Variants in PKD1L1 observed in about 807,000 individuals in gnomAD.
The protein encoded by PKD1L1 is polycystin-1-like protein 1.
A neutral mutation model predicts 323.4 loss-of-function variants in PKD1L1; 236 were observed. The observed-to-expected ratio is 0.73, with a 90% confidence interval of 0.66 to 0.81. The LOEUF is 0.81. Ranked by LOEUF, PKD1L1 falls within the 40% of genes least tolerant of loss-of-function variation. The probability of loss-of-function intolerance (pLI) is 0.00; values close to 1 mark genes in which losing one functional copy is unlikely to be tolerated. For synonymous variants in PKD1L1, 1,344 were observed against 1,335.0 expected, an observed-to-expected ratio of 1.01 and a Z score of -0.15; for missense variants, 3,320 against 3,508.0, an observed-to-expected ratio of 0.95 and a Z score of 1.35.
At chr7:47,842,635 G>A (rs958968336) in intron 34 of PKD1L1, among the ~76,000 whole-genome samples, 5 of 152,078 alleles carry the variant, frequency 3.3e-5, no homozygotes, top group Non-Finnish European at 7.3e-5. Flanking sequence ...GTTGTCTTCA[G>A]CCCCAAGCTC....
rs568240836 is a variant in PKD1L1 at position 47,922,608 on chromosome 7, G to A, written c.1060+6596C>T. On this transcript the variant is annotated intron_variant, in intron 7 of 56. Transcript: ENST00000289672. ...AGCGTCTCTACCCCGCCGCCACCCC[G>A]TCTGGGAGGTGAGCAGCGTCTCTGA... 3.4e-4 allele frequency among the ~76,000 whole-genome samples: 52 copies of A among 151,850 alleles called. 1 individual carries two copies. Among genetic ancestry groups the A allele is most frequent in the Admixed American group, 1.8e-3 (27 of 15,260 alleles).
intron 31 of PKD1L1, among the ~76,000 whole-genome samples, chr7:47,849,182 T>A (rs1472527300): frequency 6.6e-6 from 1 of 152,234 alleles, no homozygotes; most frequent in Non-Finnish European, 1.5e-5. Context: ...TCTCTCATTT[T>A]ATGTAAAAAA....
chr7:47,956,060 T>G, the PKD1L1 span, among the ~76,000 whole-genome samples: 1 of 152,154 alleles, frequency 6.6e-6, no homozygotes, highest in Non-Finnish European at 1.5e-5. Flanking sequence ...TACCACATAA[T>G]TTCAACTAGC....
intron 33 of PKD1L1, among the ~76,000 whole-genome samples, chr7:47,843,588 G>C (rs1785606316): frequency 6.6e-6 from 1 of 152,162 alleles, no homozygotes; most frequent in Admixed American, 6.5e-5. Context: ...AGCAGAACAA[G>C]GCTAGGAGGC....
chr7:47,817,939 C>CT, intron 46 of PKD1L1: 1 of 982,470 alleles, frequency 1.0e-6, no homozygotes, highest in South Asian at 1.6e-5. Flanking sequence ...GGTTTTATTT[C>CT]TTTTTTCTTA....
intron 37 of PKD1L1, among the ~76,000 whole-genome samples, chr7:47,836,107 G>A (rs1358662661): frequency 2.0e-5 from 3 of 152,172 alleles, no homozygotes; most frequent in Non-Finnish European, 4.4e-5. Flanking sequence ...TTCCCTTCCT[G>A]CTACTTGATG....
intron 15 of PKD1L1, 60 bp from the exon 16 acceptor site, chr7:47,890,823 T>C (rs1786800238): frequency 6.8e-7 from 1 of 1,469,672 alleles, no homozygotes; most frequent in Non-Finnish European, 9.4e-7. Context: ...GGGACTACCC[T>C]GTGTCACTGC....
intron 3 of PKD1L1, 53 bp from the exon 4 acceptor site, chr7:47,937,011 T>A: frequency 7.2e-7 from 1 of 1,381,244 alleles, no homozygotes; most frequent in Non-Finnish European, 1.0e-6. Flanking sequence ...GAAAACCCAG[T>A]ACATTTGGGA....
intron 42 of PKD1L1, among the ~76,000 whole-genome samples, chr7:47,830,470 C>A (rs972500203): frequency 6.6e-6 from 1 of 152,188 alleles, no homozygotes; most frequent in Non-Finnish European, 1.5e-5. Context: ...TGGATGCTGG[C>A]GGGTGCTCCG....
At chr7:47,795,688 A>C (rs1445315598) in intron 55 of PKD1L1, among the ~76,000 whole-genome samples, 1 of 152,192 alleles carries the variant, frequency 6.6e-6, no homozygotes, top group African/African-American at 2.4e-5. Flanking sequence ...CAGGGGACAG[A>C]ATACAGCATG....
At chr7:47,788,108 G>A (rs1786852305) in intron 56 of PKD1L1, among the ~76,000 whole-genome samples, 1 of 151,676 alleles carries the variant, frequency 6.6e-6, no homozygotes, top group Admixed American at 6.6e-5. Context: ...CATTTAACTT[G>A]AGCTATATTC....
intron 56 of PKD1L1, among the ~76,000 whole-genome samples, chr7:47,787,539 G>A (rs994801147): frequency 1.3e-5 from 2 of 152,152 alleles, no homozygotes; most frequent in Non-Finnish European, 2.9e-5. Flanking sequence ...ACTATGTGTT[G>A]TAACTGTATA....
intron 54 of PKD1L1, among the ~76,000 whole-genome samples, chr7:47,797,147 A>C (rs1350299360): frequency 6.6e-6 from 1 of 152,188 alleles, no homozygotes. Context: ...GAGCTTTCTG[A>C]CCCAGAGCCT....
intron 37 of PKD1L1, 27 bp downstream of exon 37, chr7:47,836,894 G>C: frequency 6.2e-7 from 1 of 1,606,682 alleles, no homozygotes; most frequent in Non-Finnish European, 8.5e-7. Flanking sequence ...TCTGGAAGCT[G>C]CTATAAGGAA....
In PKD1L1 at chr7:47,804,765, G is replaced by A. The variant is rs183869362; in HGVS notation, c.7828-1421C>T. ...CTCCCAAAATGCTAGGATTATAGGC[G>A]TGAGCCACCACGCCCAGCACATTTT... is the stretch of plus-strand genomic sequence containing the variant. On this transcript the variant is annotated intron_variant, in intron 52 of 56. Coordinates refer to ENST00000289672, the MANE Select transcript of PKD1L1 (RefSeq NM_138295.5). Among the ~76,000 whole-genome samples, 13 of 152,210 alleles carry A rather than the reference G, an allele frequency of 8.5e-5. No individual in the cohort carries two copies. The East Asian group carries it at 1.4e-3, about 16-fold the overall frequency.
At chr7:47,830,263 G>A in intron 42 of PKD1L1, 139 bp from the exon 43 acceptor site, 1 of 667,906 alleles carries the variant, frequency 1.5e-6, no homozygotes, top group Non-Finnish European at 2.6e-6. Flanking sequence ...TGGGGGTGGT[G>A]CTGGACATGG....
chr7:47,873,649 C>CA (rs57012071), intron 24 of PKD1L1, among the ~76,000 whole-genome samples: 1,112 of 77,944 alleles, frequency 0.014, 17 homozygotes, highest in Middle Eastern at 0.058. Flanking sequence ...GACTCTGTCT[C>CA]AAAAAAAAAA....
chr7:47,859,029 C>A (rs1785967337), intron 26 of PKD1L1, 144 bp from the exon 27 acceptor site: 4 of 1,058,890 alleles, frequency 3.8e-6, no homozygotes, highest in Non-Finnish European at 5.4e-6. Flanking sequence ...GCATATGATG[C>A]ATATATTCTT....
chr7:47,864,245 A>C (rs1449985556), intron 26 of PKD1L1, among the ~76,000 whole-genome samples: 1 of 152,160 alleles, frequency 6.6e-6, no homozygotes, highest in African/African-American at 2.4e-5. Context: ...TAAAGGGAGA[A>C]GCCTATGCAG....
Sources: gnomAD v4.1 joint callset for allele counts (sites outside exome capture counted in the v4.1 genomes callset) on GRCh38, gnomAD v4.1.1 for gene constraint, MANE v1.5 for transcripts, NCBI Gene and HGNC (gene_info 2026-07-23, HGNC 2026-07-21) for gene names.